Variants in UBE2L6 observed in about 807,000 individuals in gnomAD.
The protein encoded by UBE2L6 is ubiquitin/ISG15-conjugating enzyme E2 L6.
UBE2L6 carries 11 observed loss-of-function variants against 13.6 expected under a neutral mutation model. The ratio of observed to expected loss-of-function variants is 0.81; its 90% CI spans 0.51 to 1.34. The LOEUF is 1.34. Ranked by LOEUF, UBE2L6 falls within the 40% of genes most tolerant of loss-of-function variation. The pLI, the probability that UBE2L6 is intolerant of heterozygous loss-of-function variation, is 0.00. For synonymous variants in UBE2L6, 74 were observed against 83.2 expected (o/e 0.89, Z 0.60); for missense variants, 197 against 199.5 (o/e 0.99, Z 0.07).
upstream of UBE2L6, chr11:57,567,730 C>T: frequency 7.7e-7 from 1 of 1,294,838 alleles, no homozygotes; most frequent in Non-Finnish European, 1.0e-6. Context: ...CACCCCTCCT[C>T]CAGCCGTCGC....
chr11:57,566,469 G>C (rs891396724), intron 1 of UBE2L6, among the ~76,000 whole-genome samples: 2 of 152,136 alleles, frequency 1.3e-5, no homozygotes, highest in African/African-American at 4.8e-5. Context: ...TAAAATGCGG[G>C]TATATATTAC....
At chr11:57,561,597 G>C (rs1319347422) in intron 1 of UBE2L6, among the ~76,000 whole-genome samples, 1 of 152,174 alleles carries the variant, frequency 6.6e-6, no homozygotes, top group Non-Finnish European at 1.5e-5. Flanking sequence ...CCAGGGCAGA[G>C]GGCCCAGATG....
At chr11:57,553,045 TC>T (rs58156118) in intron 3 of UBE2L6, among the ~76,000 whole-genome samples, 94 of 152,274 alleles carry the variant, frequency 6.2e-4, no homozygotes, top group African/African-American at 2.1e-3. Context: ...CTCTCCCTGC[TC>T]CCACTCCCAC....
chr11:57,567,743 C>G (rs1211415081), upstream of UBE2L6: 1 of 1,139,198 alleles, frequency 8.8e-7, no homozygotes, highest in Non-Finnish European at 1.2e-6. Context: ...GCCGTCGCTG[C>G]GTGGGCCTCC....
At position 57,552,034 on chromosome 11, in the gene UBE2L6, G is replaced by A. The variant is rs1388429816; in HGVS notation, c.*324C>T. On this transcript the variant is annotated 3_prime_UTR_variant, in exon 4 of 4. Coordinates refer to ENST00000287156, the MANE Select transcript of UBE2L6 (RefSeq NM_004223.5). ...CTGCTGGATTCATTTCCTGCAAGCA[G>A]GCCTGCAAGGTGACCTGTCTCTCTA... 3.6e-6 allele frequency: 1 copy of A among 278,726 alleles called. No individual in the cohort carries two copies. The highest frequency in any genetic ancestry group is 6.8e-6 in the Non-Finnish European group (1 of 146,620). 17.3% of individuals were successfully genotyped at this position (278,726 alleles called of 1,614,324 possible).
intron 1 of UBE2L6, among the ~76,000 whole-genome samples, chr11:57,562,161 C>T (rs753629430): frequency 3.3e-5 from 5 of 152,292 alleles, no homozygotes; most frequent in Admixed American, 6.5e-5. Context: ...GGGCCTTAGG[C>T]GAACATCAGC....
At chr11:57,567,360 GA>G (rs1393667347) in intron 1 of UBE2L6, 1 of 635,522 alleles carries the variant, frequency 1.6e-6, no homozygotes. Flanking sequence ...TTCACCACGC[GA>G]ACGGCTCAAG....
At position 57,554,449 on chromosome 11, in the gene UBE2L6, T is replaced by C; in HGVS notation, c.298A>G (p.Lys100Glu). The C allele has an allele frequency of 6.2e-7, 1 of 1,613,742 alleles. No homozygotes were observed. The highest frequency in any genetic ancestry group is 8.5e-7 in the Non-Finnish European group (1 of 1,179,764). Residue 100 changes from lysine (K) to glutamate (E), a missense_variant, in exon 3 of 4, where the codon AAG becomes GAG. Coordinates refer to ENST00000287156, the MANE Select transcript of UBE2L6 (RefSeq NM_004223.5). ...ISSENWKPCT[K>E]TCQVLEALNV... The stretch of plus-strand genomic sequence containing the variant: ...AGCCCAACCCCACCTTGGCAAGTCT[T>C]GGTGCAAGGCTTCCAGTTCTCACTG...
At chr11:57,560,866 C>T (rs930169304) in intron 1 of UBE2L6, among the ~76,000 whole-genome samples, 5 of 151,788 alleles carry the variant, frequency 3.3e-5, no homozygotes, top group Admixed American at 6.6e-5. Flanking sequence ...GTGATCCGCC[C>T]GCCTCAGCCT....
upstream of UBE2L6, chr11:57,567,799 G>C (rs1945106125): frequency 1.7e-6 from 1 of 576,348 alleles, no homozygotes. Context: ...AGGACGACCC[G>C]CCGGACAACC....
intron 3 of UBE2L6, among the ~76,000 whole-genome samples, chr11:57,553,947 A>C (rs1944978062): frequency 2.6e-5 from 4 of 152,224 alleles, no homozygotes; most frequent in Admixed American, 1.3e-4. Flanking sequence ...CACATGCCTC[A>C]GATGTCCGGG....
chr11:57,567,714 C>G (rs1945105166), upstream of UBE2L6: 2 of 1,398,996 alleles, frequency 1.4e-6, no homozygotes, highest in Non-Finnish European at 1.9e-6. Context: ...CCCCGGCAGC[C>G]CCGCCCACCC....
At chr11:57,565,563 C>T (rs1945084195) in intron 1 of UBE2L6, among the ~76,000 whole-genome samples, 1 of 151,684 alleles carries the variant, frequency 6.6e-6, no homozygotes, top group Non-Finnish European at 1.5e-5. Flanking sequence ...TGGGGTTTGG[C>T]TGTGTTACCC....
At chr11:57,567,673 A>G, upstream of UBE2L6, 1 of 1,549,990 alleles carries the variant, frequency 6.5e-7, no homozygotes. Flanking sequence ...CCCGCGACAC[A>G]GCGCGCCCCG....
At chr11:57,565,135 A>G (rs1427854100) in intron 1 of UBE2L6, among the ~76,000 whole-genome samples, 5 of 150,418 alleles carry the variant, frequency 3.3e-5, no homozygotes, top group African/African-American at 1.2e-4. Flanking sequence ...CCAGCTACTC[A>G]GGAGGCTGAG....
At position 57,552,421 on chromosome 11, in the gene UBE2L6, C is replaced by T. The variant is rs570994155; in HGVS notation, c.399G>A (p.Pro133=). ...CTTCGGCATTCTTTCTGAACAGCTC[C>T]GGATTCTGTGTCAGCAGGTCAGCGA... The part of the protein sequence containing the change: ...MDLADLLTQN[P]ELFRKNAEEF... The change falls in exon 4 of 4, where the codon CCG becomes CCA. Residue 133 remains proline, a synonymous_variant. Coordinates refer to ENST00000287156, the MANE Select transcript of UBE2L6 (RefSeq NM_004223.5). 9.9e-6 allele frequency: 16 copies of T among 1,614,042 alleles called. No homozygotes were observed. The highest frequency in any genetic ancestry group is 2.2e-5 in the East Asian group (1 of 44,900).
Position 57,552,163 on chromosome 11 carries a change from T to C in UBE2L6, c.*195A>G, listed in dbSNP as rs772839824. The C allele has an allele frequency of 1.2e-5, 9 of 734,578 alleles. No homozygotes were observed. Among genetic ancestry groups the C allele is most frequent in the Non-Finnish European group, 2.0e-5 (9 of 455,426 alleles). 45.5% of individuals were successfully genotyped at this position (734,578 alleles called of 1,614,324 possible). On this transcript the variant is annotated 3_prime_UTR_variant, in exon 4 of 4. Transcript: ENST00000287156. ...GGGTGCACCTGTGGCCAGGTGAACCTGGGAGTGAGTCCATACACAACACAC... is the reference window on the plus strand; with the variant it reads ...GGGTGCACCTGTGGCCAGGTGAACCCGGGAGTGAGTCCATACACAACACAC...
intron 2 of UBE2L6, among the ~76,000 whole-genome samples, chr11:57,556,188 C>A (rs2135275041): frequency 6.6e-6 from 1 of 152,142 alleles, no homozygotes; most frequent in South Asian, 2.1e-4. Flanking sequence ...CACTCACTAG[C>A]CATGTGATCT....
At chr11:57,563,314 G>A (rs987836398) in intron 1 of UBE2L6, among the ~76,000 whole-genome samples, 1 of 151,268 alleles carries the variant, frequency 6.6e-6, no homozygotes, top group African/African-American at 2.4e-5. Context: ...ACGTGGTGAG[G>A]CCCTGTTTCT....
Sources: gnomAD v4.1 joint callset for allele counts (sites outside exome capture counted in the v4.1 genomes callset) on GRCh38, gnomAD v4.1.1 for gene constraint, MANE v1.5 for transcripts, NCBI Gene and HGNC (gene_info 2026-07-23, HGNC 2026-07-21) for gene names.